Variants in PRR16 observed in about 807,000 individuals in gnomAD.
PRR16 encodes the protein proline rich 16, also known as protein Largen.
Under a neutral mutation model 18.2 loss-of-function variants are expected in PRR16, and 6 were observed. The ratio of observed to expected loss-of-function variants is 0.33; its 90% CI spans 0.18 to 0.65. The LOEUF (loss-of-function observed/expected upper bound fraction) is 0.65, where lower values mean the gene tolerates loss of function less well. Ranked by LOEUF, PRR16 falls within the 30% of genes least tolerant of loss-of-function variation. The probability of loss-of-function intolerance (pLI) is 0.74; values close to 1 mark genes in which losing one functional copy is unlikely to be tolerated. For missense variants in PRR16, 412 were observed against 376.6 expected (o/e 1.09, Z -0.78); for synonymous variants, 151 against 147.8 (o/e 1.02, Z -0.16).
chr5:120,682,839 G>T (rs1757012105), intron 1 of PRR16, among the ~76,000 whole-genome samples: 1 of 152,294 alleles, frequency 6.6e-6, no homozygotes, highest in Non-Finnish European at 1.5e-5. Flanking sequence ...AAATTGGAGA[G>T]AAAATGCTTT....
intron 1 of PRR16, among the ~76,000 whole-genome samples, chr5:120,675,623 TCTTA>T (rs1262819855): frequency 6.6e-6 from 1 of 152,208 alleles, no homozygotes; most frequent in African/African-American, 2.4e-5. Flanking sequence ...TTATTACTAT[TCTTA>T]CTTCTTTACT....
At position 120,659,935 on chromosome 5, in the gene PRR16, T is replaced by A. The variant is rs190063557; in HGVS notation, c.160-26019T>A. 2.0e-5 allele frequency among the ~76,000 whole-genome samples: 3 copies of A among 152,172 alleles called. No homozygotes were observed. In the East Asian group the frequency reaches 5.8e-4, roughly 30 times the overall value. On this transcript the variant is annotated intron_variant, in intron 1 of 1. Coordinates refer to ENST00000407149, the MANE Select transcript of PRR16 (RefSeq NM_001300783.2). ...GAGCAGGTTGCTGAAGTACCTGAGA[T>A]AATATGCATGTCCTCCAACCCAGAG... is the stretch of plus-strand genomic sequence containing the variant.
At chr5:120,488,572 A>T (rs1169755092) in intron 1 of PRR16, among the ~76,000 whole-genome samples, 1 of 151,780 alleles carries the variant, frequency 6.6e-6, no homozygotes, top group African/African-American at 2.4e-5. Context: ...GCGGTCTATC[A>T]ATTTTGTTGA....
At chr5:120,561,268 CTT>C (rs1402618148) in intron 1 of PRR16, among the ~76,000 whole-genome samples, 2 of 151,794 alleles carry the variant, frequency 1.3e-5, no homozygotes, top group Non-Finnish European at 2.9e-5. Flanking sequence ...AAATTTTTCT[CTT>C]AGGAATGCTT....
intron 1 of PRR16, among the ~76,000 whole-genome samples, chr5:120,675,509 C>A (rs1249699737): frequency 2.0e-5 from 3 of 152,108 alleles, no homozygotes; most frequent in Admixed American, 2.0e-4. Flanking sequence ...AATTTGAAAT[C>A]CTTCTGGGAC....
At chr5:120,523,041 A>G (rs1478752632) in intron 1 of PRR16, among the ~76,000 whole-genome samples, 2 of 152,142 alleles carry the variant, frequency 1.3e-5, no homozygotes. Context: ...CTGCTTTTTG[A>G]CTTAATTTGG....
At chr5:120,680,309 T>C (rs1332967708) in intron 1 of PRR16, among the ~76,000 whole-genome samples, 2 of 152,160 alleles carry the variant, frequency 1.3e-5, no homozygotes, top group Non-Finnish European at 2.9e-5. Flanking sequence ...AAACAAGATA[T>C]ACCTACTGAA....
intron 1 of PRR16, among the ~76,000 whole-genome samples, chr5:120,512,538 A>G (rs967599240): frequency 2.6e-5 from 4 of 152,216 alleles, no homozygotes; most frequent in Non-Finnish European, 4.4e-5. Flanking sequence ...CGGCATAGAA[A>G]AAAGAATCTG....
intron 1 of PRR16, among the ~76,000 whole-genome samples, chr5:120,524,458 T>A (rs1337863018): frequency 6.6e-6 from 1 of 152,078 alleles, no homozygotes; most frequent in African/African-American, 2.4e-5. Flanking sequence ...TTCACTGATA[T>A]CCAAACTATT....
At chr5:120,774,378 T>C in the PRR16 span, among the ~76,000 whole-genome samples, 8 of 152,304 alleles carry the variant, frequency 5.3e-5, no homozygotes, top group East Asian at 7.7e-4. Context: ...CTCATGAATT[T>C]TTTTCTTCAG....
chr5:120,633,931 A>G (rs1446473600), intron 1 of PRR16, among the ~76,000 whole-genome samples: 1 of 152,178 alleles, frequency 6.6e-6, no homozygotes, highest in African/African-American at 2.4e-5. Flanking sequence ...ATACCCTACA[A>G]CAAGTAGAAC....
At chr5:120,523,727 T>A (rs1751261874) in intron 1 of PRR16, among the ~76,000 whole-genome samples, 2 of 152,292 alleles carry the variant, frequency 1.3e-5, no homozygotes, top group Non-Finnish European at 1.5e-5. Context: ...TAATACAACA[T>A]CTTTTCTAGT....
chr5:120,483,138 A>G (rs892310640), intron 1 of PRR16, among the ~76,000 whole-genome samples: 5 of 152,122 alleles, frequency 3.3e-5, no homozygotes, highest in African/African-American at 1.2e-4. Context: ...TACTCCAAAG[A>G]GTCACTCAGG....
chr5:120,543,935 G>A (rs1319255774), intron 1 of PRR16, among the ~76,000 whole-genome samples: 1 of 152,128 alleles, frequency 6.6e-6, no homozygotes, highest in Non-Finnish European at 1.5e-5. Flanking sequence ...GAGTGTGTTG[G>A]CTTTACAGAT....
chr5:120,787,161 G>C, the PRR16 span, among the ~76,000 whole-genome samples: 1 of 152,006 alleles, frequency 6.6e-6, no homozygotes, highest in African/African-American at 2.4e-5. Flanking sequence ...TATTTAACTT[G>C]TATAACAGTG....
chr5:120,626,457 T>G (rs1455314476), intron 1 of PRR16, among the ~76,000 whole-genome samples: 1 of 152,092 alleles, frequency 6.6e-6, no homozygotes, highest in Non-Finnish European at 1.5e-5. Flanking sequence ...CAAGTTATAA[T>G]AGTGATGACT....
At chr5:120,631,895 G>A (rs2112840805) in intron 1 of PRR16, among the ~76,000 whole-genome samples, 1 of 152,250 alleles carries the variant, frequency 6.6e-6, no homozygotes, top group African/African-American at 2.4e-5. Flanking sequence ...ATGCACTCTT[G>A]AAAGCATCAC....
intron 1 of PRR16, among the ~76,000 whole-genome samples, chr5:120,625,442 A>T (rs1407076457): frequency 6.6e-6 from 1 of 152,100 alleles, no homozygotes; most frequent in Admixed American, 6.6e-5. Flanking sequence ...ATTTAAAGTG[A>T]TCTTCCCACC....
chr5:120,609,003 A>T (rs1754246849), intron 1 of PRR16, among the ~76,000 whole-genome samples: 1 of 152,146 alleles, frequency 6.6e-6, no homozygotes, highest in Non-Finnish European at 1.5e-5. Context: ...AACTCTTCGT[A>T]TTCAAAAGAG....
Sources: allele counts gnomAD v4.1 joint callset (sites outside exome capture counted in the v4.1 genomes callset), GRCh38; gene constraint gnomAD v4.1.1; transcripts MANE v1.5; gene names NCBI Gene and HGNC (gene_info 2026-07-23, HGNC 2026-07-21).